PCDHA5: variants seen among roughly 807,000 people sequenced by gnomAD.
PCDHA5 encodes the protein protocadherin alpha-5.
In PCDHA5, 43 loss-of-function variants were observed where a neutral mutation model predicts 61.6. That is an observed-to-expected ratio of 0.70 (90% confidence interval 0.55 to 0.90). The LOEUF is 0.90. Ranked by LOEUF, PCDHA5 falls within the 40% of genes least tolerant of loss-of-function variation. The pLI is 0.00. For missense variants in PCDHA5, 1,298 were observed against 1,222.7 expected (o/e 1.06, Z -0.92); for synonymous variants, 627 against 543.9 (o/e 1.15, Z -2.13).
intron 3 of PCDHA5, among the ~76,000 whole-genome samples, chr5:141,007,395 C>CAAAAAAAAA (rs35800918): frequency 8.4e-5 from 8 of 94,856 alleles, no homozygotes; most frequent in East Asian, 2.9e-4. Context: ...TACTAAAATA[C>CAAAAAAAAA]AAAAAAAAAA....
At chr5:140,990,541 A>T (rs868916666) in intron 3 of PCDHA5, among the ~76,000 whole-genome samples, 1 of 152,210 alleles carries the variant, frequency 6.6e-6, no homozygotes, top group Admixed American at 6.5e-5. Context: ...CATCATAGAT[A>T]CTGTATTACC....
At chr5:140,966,678 C>G (rs2096036369) in intron 1 of PCDHA5, 8 of 1,313,236 alleles carry the variant, frequency 6.1e-6, no homozygotes, top group Non-Finnish European at 2.9e-6. Context: ...CAGGGTGGCA[C>G]GAGCGGAGGC....
chr5:140,870,478 T>C (rs782114058), intron 1 of PCDHA5: 1 of 1,614,112 alleles, frequency 6.2e-7, no homozygotes, highest in Admixed American at 1.7e-5. Flanking sequence ...ACAGCCCGAG[T>C]ACACCGTGTT....
At position 140,823,518 on chromosome 5, in the gene PCDHA5, G is replaced by C. The variant is rs1767744121; in HGVS notation, c.1743G>C (p.Pro581=). Residue 581 remains proline (P), a synonymous_variant, in exon 1 of 4, where the codon CCG becomes CCC. Coordinates refer to ENST00000529859, the MANE Select transcript of PCDHA5 (RefSeq NM_018908.3). ...GTGGAVSELV[P]RSVGAGHVVA... ...GCGGCGCAGTGAGCGAGCTGGTGCC[G>C]AGGTCAGTGGGTGCGGGCCACGTGG... The C allele has an allele frequency of 6.2e-7, 1 of 1,613,536 alleles. No individual in the cohort carries two copies. The highest frequency in any genetic ancestry group is 1.7e-5 in the Admixed American group (1 of 59,982).
chr5:140,951,237 T>G (rs1405165070), intron 1 of PCDHA5, among the ~76,000 whole-genome samples: 2 of 152,200 alleles, frequency 1.3e-5, no homozygotes, highest in African/African-American at 4.8e-5. Flanking sequence ...GTCTTTACCT[T>G]TAGGAATGCA....
chr5:140,835,663 C>T (rs1249758735), intron 1 of PCDHA5: 8 of 1,613,782 alleles, frequency 5.0e-6, no homozygotes, highest in Non-Finnish European at 6.8e-6. Flanking sequence ...GTGGTTACCG[C>T]GCGGGACGGG....
intron 1 of PCDHA5, chr5:140,875,824 C>T (rs1554167977): frequency 7.4e-6 from 12 of 1,614,156 alleles, no homozygotes; most frequent in East Asian, 2.2e-5. Context: ...GCAGGTTTTC[C>T]ATGTGGACGT....
At chr5:140,906,340 C>T (rs1353616474) in intron 1 of PCDHA5, among the ~76,000 whole-genome samples, 1 of 152,138 alleles carries the variant, frequency 6.6e-6, no homozygotes, top group Non-Finnish European at 1.5e-5. Flanking sequence ...CTTCATACAA[C>T]CAAGAATGCA....
chr5:140,982,299 T>C, intron 2 of PCDHA5, 176 bp from the exon 3 acceptor site: 1 of 1,200,862 alleles, frequency 8.3e-7, no homozygotes, highest in South Asian at 1.7e-5. Flanking sequence ...AAGTCAGCAA[T>C]GCTTCTGCAG....
At position 140,857,203 on chromosome 5, in the gene PCDHA5, C is replaced by T. The variant is rs781954201; in HGVS notation, c.2352+33076C>T. 1.0e-5 allele frequency: 16 copies of T among 1,598,514 alleles called. 1 individual carries two copies. In the Admixed American group the frequency reaches 2.4e-4, roughly 24 times the overall value. On this transcript the variant is annotated intron_variant, in intron 1 of 3. Transcript: ENST00000529859. ...ATTCAGGAGCCAACGGACAGGTCAC[C>T]TGCTCTCTGACGCCTCACGTTCCGT...
intron 1 of PCDHA5, among the ~76,000 whole-genome samples, chr5:140,890,396 A>C (rs1466548320): frequency 1.3e-5 from 2 of 152,134 alleles, no homozygotes; most frequent in African/African-American, 4.8e-5. Context: ...ATAATCTATA[A>C]ATTTTAACTT....
chr5:140,916,322 C>T (rs2077526281), intron 1 of PCDHA5, among the ~76,000 whole-genome samples: 1 of 152,066 alleles, frequency 6.6e-6, no homozygotes, highest in Non-Finnish European at 1.5e-5. Context: ...GACAAAGTCC[C>T]CTTTACTTTT....
At chr5:140,840,041 T>C (rs1220920510) in intron 1 of PCDHA5, among the ~76,000 whole-genome samples, 3 of 152,082 alleles carry the variant, frequency 2.0e-5, no homozygotes, top group East Asian at 3.9e-4. Flanking sequence ...ATCTCCCAGA[T>C]GGAAGTCTAA....
intron 1 of PCDHA5, among the ~76,000 whole-genome samples, chr5:140,963,550 A>G (rs1484541648): frequency 6.6e-6 from 1 of 152,202 alleles, no homozygotes; most frequent in Non-Finnish European, 1.5e-5. Context: ...TGATATAAAA[A>G]GGGGCTGTTT....
chr5:140,875,009 G>A (rs1238943643), intron 1 of PCDHA5, among the ~76,000 whole-genome samples: 2 of 152,216 alleles, frequency 1.3e-5, no homozygotes, highest in Admixed American at 6.5e-5. Flanking sequence ...CCATGATAAA[G>A]TGTAGGTTCT....
intron 1 of PCDHA5, chr5:140,850,387 T>G: frequency 6.3e-7 from 1 of 1,597,588 alleles, no homozygotes. Flanking sequence ...ACGGGCGAGA[T>G]CAGCACAACG....
At chr5:140,990,512 CTT>C (rs1323641272) in intron 3 of PCDHA5, among the ~76,000 whole-genome samples, 1 of 152,202 alleles carries the variant, frequency 6.6e-6, no homozygotes, top group African/African-American at 2.4e-5. Context: ...AGTCTTCTCT[CTT>C]GTCTTTTTTG....
intron 1 of PCDHA5, among the ~76,000 whole-genome samples, chr5:140,885,868 A>G (rs1347875524): frequency 6.6e-6 from 1 of 152,202 alleles, no homozygotes; most frequent in Admixed American, 6.5e-5. Context: ...TCTATTGAAA[A>G]AAAATTTTTA....
At chr5:141,008,431 C>T (rs1192058423) in intron 3 of PCDHA5, among the ~76,000 whole-genome samples, 1 of 152,140 alleles carries the variant, frequency 6.6e-6, no homozygotes, top group Non-Finnish European at 1.5e-5. Flanking sequence ...GATCACTTTG[C>T]CCAGACAGAC....
Sources: allele counts gnomAD v4.1 joint callset (sites outside exome capture counted in the v4.1 genomes callset), GRCh38; gene constraint gnomAD v4.1.1; transcripts MANE v1.5; gene names NCBI Gene and HGNC (gene_info 2026-07-23, HGNC 2026-07-21).